PRDM11: variants seen among roughly 807,000 people sequenced by gnomAD.
The protein encoded by PRDM11 is PR domain-containing protein 11.
In PRDM11, 20 loss-of-function variants were observed where a neutral mutation model predicts 97.8. The ratio of observed to expected loss-of-function variants is 0.20; its 90% CI spans 0.14 to 0.30. The LOEUF (loss-of-function observed/expected upper bound fraction) is 0.30. Ranked by LOEUF, PRDM11 falls within the 10% of genes least tolerant of loss-of-function variation. The probability of loss-of-function intolerance (pLI) is 1.00; values close to 1 mark genes in which losing one functional copy is unlikely to be tolerated. For synonymous variants in PRDM11, 599 were observed against 637.7 expected (o/e 0.94, Z 0.91); for missense variants, 1,139 against 1,555.2 (o/e 0.73, Z 4.50).
chr11:45,200,842 C>T (rs1210768341), intron 4 of PRDM11, among the ~76,000 whole-genome samples: 2 of 152,172 alleles, frequency 1.3e-5, no homozygotes, highest in African/African-American at 2.4e-5. Context: ...GCAGTACAGT[C>T]TTATAGACAA....
intron 1 of PRDM11, among the ~76,000 whole-genome samples, chr11:45,111,756 C>A: frequency 6.6e-6 from 1 of 152,086 alleles, no homozygotes; most frequent in East Asian, 1.9e-4. Flanking sequence ...TCGCGGAACA[C>A]AACCAGGGGC....
intron 4 of PRDM11, among the ~76,000 whole-genome samples, chr11:45,193,290 G>A (rs116081789): frequency 0.019 from 2,912 of 152,218 alleles, 95 homozygotes; most frequent in African/African-American, 0.065. Context: ...TTGCTTTGCC[G>A]GAGTGCAACA....
Position 45,224,636 on chromosome 11 carries a change from T to C in PRDM11, c.1162T>C (p.Phe388Leu). Residue 388 changes from phenylalanine to leucine, a missense_variant, in exon 7 of 8, where the codon TTC becomes CTC. Coordinates refer to ENST00000683152, the MANE Select transcript of PRDM11 (RefSeq NM_001384648.1). ...GGATGAAGAAGAGGAGCCTTCATCA[T>C]TCAAGGCCGACAGTCCTGCCGAGGC... is the stretch of plus-strand genomic sequence containing the variant. ...LEDEEEEPSS[F>L]KADSPAEASL... 6.2e-7 allele frequency: 1 copy of C among 1,614,170 alleles called. No individual in the cohort carries two copies. Among genetic ancestry groups the C allele is most frequent in the African/African-American group, 1.3e-5 (1 of 75,032 alleles).
chr11:45,168,036 C>G (rs754972500), intron 1 of PRDM11, among the ~76,000 whole-genome samples: 2 of 152,076 alleles, frequency 1.3e-5, no homozygotes, highest in Non-Finnish European at 2.9e-5. Flanking sequence ...CAGGAGATGC[C>G]GAGGCTGCCA....
chr11:45,156,169 C>T (rs1851789210), intron 1 of PRDM11, among the ~76,000 whole-genome samples: 1 of 152,190 alleles, frequency 6.6e-6, no homozygotes, highest in African/African-American at 2.4e-5. Flanking sequence ...ATTCCAAGTT[C>T]CTTCCCCTGA....
rs1854266587 is a variant in PRDM11 at position 45,226,050 on chromosome 11, C to T, written c.1425C>T (p.Val475=). ...PAIMEDDDQE[V]DSADESVSND... is the part of the protein sequence containing the mutation. ...TCATGGAGGATGATGACCAGGAAGT[C>T]GATTCAGCAGATGAATCTGTCTCCA... Residue 475 remains valine (V), a synonymous_variant, in exon 8 of 8, where the codon GTC becomes GTT. Transcript: ENST00000683152. 7 of 1,515,496 alleles carry T rather than the reference C, an allele frequency of 4.6e-6. No homozygotes were observed. Among genetic ancestry groups the T allele is most frequent in the Middle Eastern group, 2.3e-4 (1 of 4,310 alleles). 93.9% of individuals were successfully genotyped at this position (1,515,496 alleles called of 1,614,324 possible). A position where few individuals can be genotyped will look rare whatever the true frequency, so the allele number is the denominator to read the frequency against.
In PRDM11 at chr11:45,153,759, A is replaced by AT. The variant is rs1301081167; in HGVS notation, c.-7+6888dup. Among the ~76,000 whole-genome samples the AT allele has an allele frequency of 3.5e-4, 54 of 152,210 alleles. 1 individual carries two copies. The highest frequency in any genetic ancestry group is 6.5e-5 in the Admixed American group (1 of 15,278). ...AGTCCTGCCCTACATTCTGTGGAAG[A>AT]TTTTTTCCTCTGTGTTTGCAGGACT... On this transcript the variant is annotated intron_variant, in intron 1 of 7. Transcript: ENST00000683152.
intron 4 of PRDM11, among the ~76,000 whole-genome samples, chr11:45,202,682 GAGA>G (rs1304795254): frequency 6.6e-6 from 1 of 152,194 alleles, no homozygotes; most frequent in South Asian, 2.1e-4. Flanking sequence ...GGAAAGGAAA[GAGA>G]AGAAGTTGGA....
rs777808814 is a variant in PRDM11 at position 45,226,650 on chromosome 11, T to C, written c.2025T>C (p.Ala675=). The stretch of plus-strand genomic sequence containing the variant: ...ACGACCTGCTGGCCGACACGGTGGC[T>C]GTCTATGTTCAGTACACCAGCAGTG... ...QSDDLLADTV[A]VYVQYTSSDG... is the part of the protein sequence containing the mutation. The change falls in exon 8 of 8, where the codon GCT becomes GCC. Residue 675 remains alanine (A), a synonymous_variant. Transcript: ENST00000683152. 3 of 1,533,930 alleles carry C rather than the reference T, an allele frequency of 2.0e-6. No homozygotes were observed. In the South Asian group the frequency reaches 3.6e-5, roughly 18 times the overall value.
chr11:45,107,541 G>A (rs563709643), intron 1 of PRDM11, among the ~76,000 whole-genome samples: 118 of 152,292 alleles, frequency 7.7e-4, no homozygotes, highest in African/African-American at 2.6e-3. Flanking sequence ...GAGGGTGGAT[G>A]GGGTGCAGTG....
intron 1 of PRDM11, among the ~76,000 whole-genome samples, chr11:45,159,303 C>T (rs1280426787): frequency 1.3e-5 from 2 of 152,242 alleles, no homozygotes; most frequent in South Asian, 2.1e-4. Context: ...GCCCTGGGCT[C>T]CTGGCCTGGC....
At position 45,225,977 on chromosome 11, in the gene PRDM11, T is replaced by C; in HGVS notation, c.1370-18T>C. 6.8e-7 allele frequency: 1 copy of C among 1,467,624 alleles called. No individual in the cohort carries two copies. 90.9% of individuals were successfully genotyped at this position (1,467,624 alleles called of 1,614,324 possible). ...TTCTCCCCCAGGTATAAATGTTTCT[T>C]TCCCATTTGTTTTTCAGCCTCAGAA... is the stretch of plus-strand genomic sequence containing the variant. On this transcript the variant is annotated intron_variant, in intron 7 of 7. Transcript: ENST00000683152.
chr11:45,178,791 C>T lies in PRDM11; in HGVS notation c.-6-2970C>T, dbSNP rs561180583. On this transcript the variant is annotated intron_variant, in intron 1 of 7. Transcript: ENST00000683152. ...CGTATGACCCTCAGAGTGAAAGCCT[C>T]CTAGTACCTGGCTTGTCTTTCCCTA... Among the ~76,000 whole-genome samples, 4 of 152,332 alleles carry T rather than the reference C, an allele frequency of 2.6e-5. No homozygotes were observed. In the East Asian group the frequency reaches 7.7e-4, roughly 29 times the overall value.
At chr11:45,149,847 T>C (rs1295500692) in intron 1 of PRDM11, among the ~76,000 whole-genome samples, 2 of 152,246 alleles carry the variant, frequency 1.3e-5, no homozygotes, top group Non-Finnish European at 2.9e-5. Flanking sequence ...GGGCTGTTTG[T>C]TACTGCAGCA....
Position 45,216,597 on chromosome 11 carries a change from A to G in PRDM11, c.555-2973A>G, listed in dbSNP as rs1853963595. Among the ~76,000 whole-genome samples, 3 of 152,230 alleles carry G rather than the reference A, an allele frequency of 2.0e-5. No individual in the cohort carries two copies. The South Asian group carries it at 6.2e-4, about 32-fold the overall frequency. ...AGCTTTACCTCTTAAATGGTATAACATAAACATCTTGTCAGGGGAATGGGT... is the reference window on the plus strand; with the variant it reads ...AGCTTTACCTCTTAAATGGTATAACGTAAACATCTTGTCAGGGGAATGGGT... On this transcript the variant is annotated intron_variant, in intron 5 of 7. Transcript: ENST00000683152.
At chr11:45,103,977 G>T (rs191578972) in intron 1 of PRDM11, among the ~76,000 whole-genome samples, 4 of 152,210 alleles carry the variant, frequency 2.6e-5, no homozygotes, top group Admixed American at 2.0e-4. Context: ...GCTTTATTTT[G>T]CAATGACCCT....
intron 1 of PRDM11, among the ~76,000 whole-genome samples, chr11:45,173,451 G>A (rs185965663): frequency 7.0e-4 from 106 of 152,100 alleles, no homozygotes; most frequent in Non-Finnish European, 1.2e-3. Flanking sequence ...ATGAAACCCT[G>A]TCTCTACTAA....
intron 1 of PRDM11, among the ~76,000 whole-genome samples, chr11:45,162,775 G>A (rs893857818): frequency 4.6e-5 from 7 of 152,196 alleles, no homozygotes; most frequent in African/African-American, 1.2e-4. Context: ...TCTGATGGTC[G>A]GGGGATCATT....
chr11:45,196,169 A>G (rs1853115237), intron 4 of PRDM11, among the ~76,000 whole-genome samples: 1 of 152,052 alleles, frequency 6.6e-6, no homozygotes, highest in South Asian at 2.1e-4. Flanking sequence ...ATTCTTGTCA[A>G]CCCTTGTTTT....
Sources: gnomAD v4.1 joint callset for allele counts (sites outside exome capture counted in the v4.1 genomes callset) on GRCh38, gnomAD v4.1.1 for gene constraint, MANE v1.5 for transcripts, NCBI Gene and HGNC (gene_info 2026-07-23, HGNC 2026-07-21) for gene names.